Variants in BMP8B observed in about 807,000 individuals in gnomAD.
The protein encoded by BMP8B is bone morphogenetic protein 8b.
In BMP8B, 17 loss-of-function variants were observed where a neutral mutation model predicts 30.3. That is an observed-to-expected ratio of 0.56 (90% CI 0.38 to 0.84). BMP8B has a LOEUF of 0.84. BMP8B is among the 40% of genes least tolerant of loss of function. BMP8B has a pLI of 0.00. For synonymous variants in BMP8B, 131 were observed against 214.7 expected (o/e 0.61, Z 3.41); for missense variants, 253 against 494.6 (o/e 0.51, Z 4.63).
At chr1:39,771,485 C>CG (rs1346086228) in intron 3 of BMP8B, 21 of 509,002 alleles carry the variant, frequency 4.1e-5, no homozygotes, top group Non-Finnish European at 6.2e-5. Context: ...CGCACAGGCC[C>CG]GGGCGCAGGA....
chr1:39,776,558 T>A (rs1313707948), intron 1 of BMP8B, among the ~76,000 whole-genome samples: 7 of 152,030 alleles, frequency 4.6e-5, no homozygotes, highest in Non-Finnish European at 8.8e-5. Flanking sequence ...GGTCCGGCCA[T>A]GGGCAGGCGA....
At chr1:39,766,936 C>A (rs1448152166) in intron 3 of BMP8B, among the ~76,000 whole-genome samples, 5 of 152,230 alleles carry the variant, frequency 3.3e-5, no homozygotes, top group Admixed American at 3.3e-4. Flanking sequence ...CCCATGGGGA[C>A]AGCCTGGGGC....
At chr1:39,775,193 T>C (rs1176425482) in intron 1 of BMP8B, among the ~76,000 whole-genome samples, 155 bp from the exon 2 acceptor site, 1 of 152,186 alleles carries the variant, frequency 6.6e-6, no homozygotes, top group East Asian at 1.9e-4. Context: ...AGTGCAAACG[T>C]TTGTTCCAGG....
Position 39,788,477 on chromosome 1 carries a change from C to G in BMP8B, c.9G>C (p.Ala3=). 1 of 1,020,000 alleles carries G rather than the reference C, an allele frequency of 9.8e-7. No homozygotes were observed. Among genetic ancestry groups the G allele is most frequent in the Non-Finnish European group, 1.2e-6 (1 of 854,122 alleles). The allele number at this position is 1,020,000 out of a possible 1,614,324, so 63.2% of individuals were successfully genotyped here. A position where few individuals can be genotyped will look rare whatever the true frequency, so the allele number is the denominator to read the frequency against. MT[A]LPGPLWLLGL... ...CCAGGAGCCAGAGCGGGCCGGGGAGCGCGGTCATGGCAGGCCGGGGGCGCT... is the reference window on the plus strand; with the variant it reads ...CCAGGAGCCAGAGCGGGCCGGGGAGGGCGGTCATGGCAGGCCGGGGGCGCT... Residue 3 remains alanine (A), a synonymous_variant, in exon 1 of 7, where the codon GCG becomes GCC. Transcript: ENST00000372827. This position sits in a 1 kb window ranked among gnomAD's most constrained non-coding sequence, Gnocchi z 5.8.
At chr1:39,773,048 C>CAAAA (rs1650060886) in intron 3 of BMP8B, among the ~76,000 whole-genome samples, 1 of 31,390 alleles carries the variant, frequency 3.2e-5, no homozygotes. Context: ...AACCCTGTCT[C>CAAAA]AAAGAAAAAA....
intron 1 of BMP8B, among the ~76,000 whole-genome samples, chr1:39,781,954 C>G (rs907493659): frequency 5.9e-5 from 9 of 152,036 alleles, no homozygotes; most frequent in Non-Finnish European, 1.0e-4. Context: ...GTCAGGAGTT[C>G]AGGATCAGCC....
Position 39,763,224 on chromosome 1 carries a change from G to T in BMP8B, c.949-22C>A, listed in dbSNP as rs1399226875. On this transcript the variant is annotated intron_variant, in intron 5 of 6. Transcript: ENST00000372827. ...AGTCCTGGGGGGCAAGGGAGAAGGT[G>T]AGTCCCATCCATGTGCCCCTCCCTG... 1.9e-6 allele frequency: 3 copies of T among 1,590,424 alleles called. No homozygotes were observed. In the African/African-American group the frequency reaches 4.0e-5, roughly 21 times the overall value.
intron 3 of BMP8B, among the ~76,000 whole-genome samples, chr1:39,767,352 C>G (rs1435590544): frequency 6.7e-6 from 1 of 149,326 alleles, no homozygotes; most frequent in African/African-American, 2.4e-5. Flanking sequence ...TTGTCATATA[C>G]TTTTCCAGCA....
At position 39,771,368 on chromosome 1, in the gene BMP8B, G is replaced by A. The variant is rs563889866; in HGVS notation, c.673+2940C>T. The stretch of plus-strand genomic sequence containing the variant: ...GCCCTGACGCACTCCCTCCCAGCAG[G>A]TCTCCCCGGCCAGGCGCAGGCTCTA... On this transcript the variant is annotated intron_variant, in intron 3 of 6. Transcript: ENST00000372827. 7.3e-3 allele frequency: 5,827 copies of A among 796,750 alleles called. 80 individuals are homozygous for A. Among genetic ancestry groups the A allele is most frequent in the Middle Eastern group, 0.016 (39 of 2,436 alleles). 49.4% of individuals were successfully genotyped at this position (796,750 alleles called of 1,614,324 possible). A position where few individuals can be genotyped will look rare whatever the true frequency, so the allele number is the denominator to read the frequency against.
rs147026466 is a variant in BMP8B, at chr1:39,782,529, G to A, written c.334+5623C>T. Among the ~76,000 whole-genome samples, 427 of 151,852 alleles carry A rather than the reference G, an allele frequency of 2.8e-3. 7 individuals carry two copies. The highest frequency in any genetic ancestry group is 9.7e-3 in the African/African-American group (403 of 41,392). ...GTTGCTCAGGCTGGAGTGCAATGGC[G>A]CGATCTCGGCTCACTGCAACCTCCA... On this transcript the variant is annotated intron_variant, in intron 1 of 6. Coordinates refer to ENST00000372827, the MANE Select transcript of BMP8B (RefSeq NM_001720.5).
At chr1:39,763,567 C>T (rs376004420) in intron 5 of BMP8B, 145 bp downstream of exon 5, 1 of 1,242,748 alleles carries the variant, frequency 8.0e-7, no homozygotes. Context: ...TCACCATATT[C>T]TCACTTTAGA....
chr1:39,784,140 C>G (rs1650831268), intron 1 of BMP8B, among the ~76,000 whole-genome samples: 1 of 152,164 alleles, frequency 6.6e-6, no homozygotes, highest in African/African-American at 2.4e-5. Flanking sequence ...TCTCTCCTCT[C>G]TTTCAAACAC....
chr1:39,758,455 G>C lies in BMP8B; in HGVS notation c.*1964C>G, dbSNP rs1648528408. ...TTGGCCAGGATGGTCTTGAACTCCT[G>C]ACTTCAGGTGATCTGCCTGCCTTGG... On this transcript the variant is annotated 3_prime_UTR_variant, in exon 7 of 7. Coordinates refer to ENST00000372827, the MANE Select transcript of BMP8B (RefSeq NM_001720.5). 6.6e-6 allele frequency: 1 copy of C among 152,308 alleles called. No homozygotes were observed. The highest frequency in any genetic ancestry group is 2.1e-4 in the South Asian group (1 of 4,832). 9.4% of individuals were successfully genotyped at this position (152,308 alleles called of 1,614,324 possible). A position where few individuals can be genotyped will look rare whatever the true frequency, so the allele number is the denominator to read the frequency against.
intron 4 of BMP8B, among the ~76,000 whole-genome samples, chr1:39,764,087 G>C (rs571718833): frequency 9.9e-5 from 15 of 150,984 alleles, no homozygotes; most frequent in African/African-American, 3.7e-4. Context: ...CGGCCATCCT[G>C]TGCCTCCTCC....
chr1:39,760,887 TGTG>T (rs1648873015), intron 6 of BMP8B, among the ~76,000 whole-genome samples: 1 of 152,022 alleles, frequency 6.6e-6, no homozygotes, highest in African/African-American at 2.4e-5. Context: ...AGGAGAACTG[TGTG>T]GCCAGGTTTG....
At chr1:39,782,814 T>C (rs1007691391) in intron 1 of BMP8B, among the ~76,000 whole-genome samples, 1 of 152,124 alleles carries the variant, frequency 6.6e-6, no homozygotes, top group African/African-American at 2.4e-5. Context: ...TTAATCATTG[T>C]ATTATGATAC....
At chr1:39,762,372 C>A (rs1649113249) in intron 6 of BMP8B, 2 of 1,116,382 alleles carry the variant, frequency 1.8e-6, no homozygotes, top group Non-Finnish European at 2.5e-6. Flanking sequence ...AAGGGGAAAA[C>A]ATAAGGCTGT....
chr1:39,786,765 C>A (rs149432594), intron 1 of BMP8B, among the ~76,000 whole-genome samples: 34 of 152,226 alleles, frequency 2.2e-4, no homozygotes, highest in South Asian at 2.1e-4. Context: ...AAGGCAGCAT[C>A]CAGATCCCAC....
At chr1:39,776,589 A>G (rs1332712350) in intron 1 of BMP8B, among the ~76,000 whole-genome samples, 1 of 152,042 alleles carries the variant, frequency 6.6e-6, no homozygotes, top group Non-Finnish European at 1.5e-5. Context: ...GGGGCAGGGG[A>G]TGGGGCCAGA....
Sources: allele counts gnomAD v4.1 joint callset (sites outside exome capture counted in the v4.1 genomes callset), GRCh38; gene constraint gnomAD v4.1.1; non-coding constraint Gnocchi (gnomAD v3.1); transcripts MANE v1.5; gene names NCBI Gene and HGNC (gene_info 2026-07-23, HGNC 2026-07-21).